Variants in NXPE2 observed in about 807,000 individuals in gnomAD.
NXPE2 encodes the protein NXPE family member 2.
A neutral mutation model predicts 34.4 loss-of-function variants in NXPE2; 34 were observed. The observed-to-expected ratio is 0.99, with a 90% CI of 0.75 to 1.31. The LOEUF is 1.31. Ranked by LOEUF, NXPE2 falls within the 40% of genes most tolerant of loss-of-function variation. The pLI, the probability that NXPE2 is intolerant of heterozygous loss-of-function variation, is 0.00. For missense variants in NXPE2, 649 were observed against 672.5 expected (o/e 0.97, Z 0.39); for synonymous variants, 235 against 231.3 (o/e 1.02, Z -0.15).
At chr11:114,668,600 G>A in the NXPE2 span, among the ~76,000 whole-genome samples, 1 of 151,978 alleles carries the variant, frequency 6.6e-6, no homozygotes, top group Non-Finnish European at 1.5e-5. Context: ...AGGTATATAA[G>A]GGCACACAGT....
At chr11:114,484,045 T>A in the NXPE2 span, among the ~76,000 whole-genome samples, 1 of 152,148 alleles carries the variant, frequency 6.6e-6, no homozygotes, top group Non-Finnish European at 1.5e-5. Context: ...GAAAGATGGT[T>A]GCTCTTCCAT....
At chr11:114,573,714 A>G in the NXPE2 span, among the ~76,000 whole-genome samples, 1 of 152,082 alleles carries the variant, frequency 6.6e-6, no homozygotes, top group Non-Finnish European at 1.5e-5. Context: ...CAAATTTACA[A>G]AACATTACTA....
the NXPE2 span, among the ~76,000 whole-genome samples, chr11:114,664,024 A>G: frequency 4.6e-5 from 7 of 152,196 alleles, no homozygotes; most frequent in African/African-American, 1.2e-4. Context: ...CCACACAGCA[A>G]TGCCACACCA....
chr11:114,651,338 T>C, the NXPE2 span, among the ~76,000 whole-genome samples: 3 of 151,956 alleles, frequency 2.0e-5, no homozygotes, highest in African/African-American at 7.2e-5. Flanking sequence ...CTCGTTAAGG[T>C]GGCACGTCCG....
At chr11:114,574,357 T>A in the NXPE2 span, among the ~76,000 whole-genome samples, 1 of 150,346 alleles carries the variant, frequency 6.7e-6, no homozygotes, top group South Asian at 2.1e-4. Flanking sequence ...ATAATGAAGA[T>A]CAGAGCAGAA....
At chr11:114,807,532 G>A in the NXPE2 span, among the ~76,000 whole-genome samples, 2 of 151,180 alleles carry the variant, frequency 1.3e-5, no homozygotes, top group Admixed American at 6.6e-5. Flanking sequence ...AAAAGGCAGG[G>A]GTTGCAATCC....
At chr11:114,480,795 C>T in the NXPE2 span, among the ~76,000 whole-genome samples, 7 of 151,994 alleles carry the variant, frequency 4.6e-5, no homozygotes, top group African/African-American at 1.2e-4. Context: ...CTGCAATTAC[C>T]GTAACAAAAA....
chr11:114,575,611 A>C, the NXPE2 span, among the ~76,000 whole-genome samples: 1 of 152,082 alleles, frequency 6.6e-6, no homozygotes, highest in Non-Finnish European at 1.5e-5. Flanking sequence ...AATAAAATAA[A>C]ATAAAATAAA....
At chr11:114,787,212 G>T in the NXPE2 span, among the ~76,000 whole-genome samples, 3 of 152,262 alleles carry the variant, frequency 2.0e-5, no homozygotes, top group South Asian at 4.1e-4. Flanking sequence ...GGGAAAGTGG[G>T]GAAAAAAGCT....
the NXPE2 span, among the ~76,000 whole-genome samples, chr11:114,786,643 C>T: frequency 1.7e-3 from 262 of 152,164 alleles, no homozygotes; most frequent in African/African-American, 5.7e-3. Flanking sequence ...GGTGGGCATC[C>T]GAAAAATATC....
chr11:114,599,120 G>C, the NXPE2 span, among the ~76,000 whole-genome samples: 2 of 152,022 alleles, frequency 1.3e-5, no homozygotes, highest in Non-Finnish European at 2.9e-5. Context: ...GCTGCTTCTT[G>C]AACACTTTGC....
chr11:114,511,034 C>G, the NXPE2 span, among the ~76,000 whole-genome samples: 2,769 of 152,116 alleles, frequency 0.018, 83 homozygotes, highest in African/African-American at 0.062. Context: ...CTTCTACTAC[C>G]AACCTAGGAA....
chr11:114,472,936 A>G, the NXPE2 span, among the ~76,000 whole-genome samples: 1 of 152,210 alleles, frequency 6.6e-6, no homozygotes, highest in Non-Finnish European at 1.5e-5. Flanking sequence ...ATGCCAGTAC[A>G]GTGTTCAAAG....
chr11:114,651,601 C>CTGAT, the NXPE2 span, among the ~76,000 whole-genome samples: 2 of 152,204 alleles, frequency 1.3e-5, no homozygotes, highest in Non-Finnish European at 2.9e-5. Flanking sequence ...CCACATCCTA[C>CTGAT]TGATTGGTCC....
chr11:114,775,141 C>A, the NXPE2 span, among the ~76,000 whole-genome samples: 1 of 152,152 alleles, frequency 6.6e-6, no homozygotes, highest in Non-Finnish European at 1.5e-5. Context: ...AAATAGGGGA[C>A]GCTGGGTGCA....
At chr11:114,476,908 C>A in the NXPE2 span, among the ~76,000 whole-genome samples, 10 of 152,048 alleles carry the variant, frequency 6.6e-5, no homozygotes, top group African/African-American at 1.9e-4. Context: ...TGCTTATAAC[C>A]AAAAGAAGCC....
the NXPE2 span, among the ~76,000 whole-genome samples, chr11:114,502,094 A>C: frequency 1.3e-5 from 2 of 152,092 alleles, no homozygotes; most frequent in Non-Finnish European, 2.9e-5. Flanking sequence ...CTACCCACTA[A>C]ATGCCAGTTA....
At chr11:114,667,677 C>T in the NXPE2 span, among the ~76,000 whole-genome samples, 11 of 152,056 alleles carry the variant, frequency 7.2e-5, no homozygotes, top group South Asian at 2.1e-4. Flanking sequence ...TGGAAAGTGG[C>T]GAAGAACTGA....
chr11:114,809,145 C>A, the NXPE2 span, among the ~76,000 whole-genome samples: 4 of 151,984 alleles, frequency 2.6e-5, no homozygotes, highest in Non-Finnish European at 2.9e-5. Context: ...ATTCAACAAC[C>A]CTTCATGCTA....
Sources: gnomAD v4.1 joint callset for allele counts (sites outside exome capture counted in the v4.1 genomes callset) on GRCh38, gnomAD v4.1.1 for gene constraint, MANE v1.5 for transcripts, NCBI Gene and HGNC (gene_info 2026-07-23, HGNC 2026-07-21) for gene names.